The following LSAMP variants were observed in gnomAD, a reference collection of about 807,000 sequenced individuals.
LSAMP encodes limbic system associated membrane protein, also known as limbic system-associated membrane protein.
A neutral mutation model predicts 38.6 loss-of-function variants in LSAMP; 7 were observed. The ratio of observed to expected loss-of-function variants is 0.18; its 90% CI spans 0.10 to 0.34. The LOEUF is 0.34. Ranked by LOEUF, LSAMP falls within the 10% of genes least tolerant of loss-of-function variation. The pLI, the probability that LSAMP is intolerant of heterozygous loss-of-function variation, is 1.00. For synonymous variants in LSAMP, 154 were observed against 166.8 expected (o/e 0.92, Z 0.59); for missense variants, 313 against 420.0 (o/e 0.75, Z 2.23).
rs756155084 is a variant in LSAMP, at chr3:116,209,741, A to ATTAT, written c.156-123189_156-123186dup. ...AACAAATACATTTTGGGATTTATTTATTATTTATTTATTTATTTATTTATT... is the reference window on the plus strand; with the variant it reads ...AACAAATACATTTTGGGATTTATTTATTATTTATTTATTTATTTATTTATTTATT... On this transcript the variant is annotated intron_variant, in intron 1 of 6. Transcript: ENST00000490035. Among the ~76,000 whole-genome samples the ATTAT allele has an allele frequency of 1.4e-3, 215 of 151,508 alleles. 1 individual carries two copies. The highest frequency in any genetic ancestry group is 3.4e-3 in the African/African-American group (140 of 41,318).
At chr3:116,333,128 G>A (rs2047872278) in intron 1 of LSAMP, among the ~76,000 whole-genome samples, 1 of 152,012 alleles carries the variant, frequency 6.6e-6, no homozygotes, top group Non-Finnish European at 1.5e-5. Flanking sequence ...AAACCAACTA[G>A]ATCTACCAGA....
intron 3 of LSAMP, among the ~76,000 whole-genome samples, chr3:115,971,887 G>T (rs1288806511): frequency 6.6e-6 from 1 of 152,070 alleles, no homozygotes; most frequent in Non-Finnish European, 1.5e-5. Context: ...TGATAAAGTA[G>T]ATTCCATTCT....
intron 3 of LSAMP, among the ~76,000 whole-genome samples, chr3:115,944,236 G>A (rs532460619): frequency 5.3e-5 from 8 of 152,132 alleles, no homozygotes; most frequent in Non-Finnish European, 1.0e-4. Context: ...ATGAAGGTCT[G>A]AAAGTGAGGT....
chr3:116,219,025 A>G (rs962668474), intron 1 of LSAMP, among the ~76,000 whole-genome samples: 6 of 152,242 alleles, frequency 3.9e-5, no homozygotes, highest in Admixed American at 1.3e-4. Context: ...TACTATAAGT[A>G]CCATATCATA....
At chr3:116,053,543 T>C (rs1209567479) in intron 2 of LSAMP, among the ~76,000 whole-genome samples, 1 of 152,172 alleles carries the variant, frequency 6.6e-6, no homozygotes, top group Non-Finnish European at 1.5e-5. Flanking sequence ...GTAAGTTGAA[T>C]GAAAATGTAT....
chr3:116,212,764 A>G (rs2046174521), intron 1 of LSAMP, among the ~76,000 whole-genome samples: 1 of 152,162 alleles, frequency 6.6e-6, no homozygotes, highest in Admixed American at 6.5e-5. Flanking sequence ...TGAGAGTATA[A>G]TAACATAGGG....
chr3:116,242,000 G>T (rs2046542384), intron 1 of LSAMP, among the ~76,000 whole-genome samples: 1 of 98,744 alleles, frequency 1.0e-5, no homozygotes, highest in Non-Finnish European at 2.5e-5. Flanking sequence ...TAAAAGTGAG[G>T]CTTTCTTTTT....
chr3:116,304,755 A>G (rs1020425711), intron 1 of LSAMP, among the ~76,000 whole-genome samples: 1 of 152,156 alleles, frequency 6.6e-6, no homozygotes, highest in Non-Finnish European at 1.5e-5. Context: ...GCTGATGTGC[A>G]CTTAAACTAA....
chr3:116,339,008 G>A (rs139732524), intron 1 of LSAMP, among the ~76,000 whole-genome samples: 2 of 152,088 alleles, frequency 1.3e-5, no homozygotes, highest in Non-Finnish European at 2.9e-5. Flanking sequence ...CATCCATTCC[G>A]GATGAGATGA....
chr3:116,369,914 C>G (rs144974642), intron 1 of LSAMP: 3 of 152,666 alleles, frequency 2.0e-5, no homozygotes, highest in African/African-American at 7.2e-5. Flanking sequence ...TGCGAGCCAA[C>G]AAGAGAGGCC....
intron 1 of LSAMP, among the ~76,000 whole-genome samples, chr3:116,164,670 A>C (rs1709994741): frequency 7.5e-6 from 1 of 132,934 alleles, no homozygotes; most frequent in Admixed American, 7.9e-5. Flanking sequence ...ATATAATCCA[A>C]ATATATATAT....
Position 116,445,211 on chromosome 3 carries a change from G to T in LSAMP, c.-180C>A. On this transcript the variant is annotated 5_prime_UTR_variant, in exon 1 of 7. Coordinates refer to ENST00000490035, the MANE Select transcript of LSAMP (RefSeq NM_002338.5). ...CTCGCTCAGTCTCTTTTCCCTCTAAGACTTAACAAAGCCCTCATAAAACCC... is the reference window on the plus strand; with the variant it reads ...CTCGCTCAGTCTCTTTTCCCTCTAATACTTAACAAAGCCCTCATAAAACCC... 1 of 616,738 alleles carries T rather than the reference G, an allele frequency of 1.6e-6. No individual in the cohort carries two copies. The highest frequency in any genetic ancestry group is 2.8e-6 in the Non-Finnish European group (1 of 352,288). 38.2% of individuals were successfully genotyped at this position (616,738 alleles called of 1,614,324 possible).
At chr3:115,908,035 G>A (rs1280024531) in intron 3 of LSAMP, among the ~76,000 whole-genome samples, 4 of 152,122 alleles carry the variant, frequency 2.6e-5, no homozygotes, top group Non-Finnish European at 4.4e-5. Flanking sequence ...GGGGAGATTT[G>A]AGCCCAATGT....
At chr3:116,011,486 T>G (rs892132702) in intron 3 of LSAMP, among the ~76,000 whole-genome samples, 1 of 152,078 alleles carries the variant, frequency 6.6e-6, no homozygotes, top group African/African-American at 2.4e-5. Flanking sequence ...AGGGATAGGA[T>G]GATCACTTGA....
chr3:116,425,635 G>A (rs1292894808), intron 1 of LSAMP, among the ~76,000 whole-genome samples: 4 of 152,138 alleles, frequency 2.6e-5, no homozygotes, highest in Non-Finnish European at 4.4e-5. Flanking sequence ...ATCTCTAACC[G>A]TCTATGACTT....
intron 3 of LSAMP, among the ~76,000 whole-genome samples, chr3:115,905,996 A>T (rs1214777817): frequency 6.6e-6 from 1 of 152,172 alleles, no homozygotes; most frequent in Non-Finnish European, 1.5e-5. Flanking sequence ...GAAACAGCAA[A>T]CATGACTTTT....
intron 1 of LSAMP, among the ~76,000 whole-genome samples, chr3:116,149,883 T>C (rs1318610073): frequency 6.6e-6 from 1 of 152,040 alleles, no homozygotes; most frequent in African/African-American, 2.4e-5. Context: ...TGAACACCCC[T>C]TGTATATCCT....
At chr3:116,394,977 C>T (rs181329337) in intron 1 of LSAMP, among the ~76,000 whole-genome samples, 73 of 152,232 alleles carry the variant, frequency 4.8e-4, no homozygotes, top group African/African-American at 1.7e-3. Flanking sequence ...AGCTGTGCAC[C>T]AGCTTCCTAC....
chr3:116,384,166 A>G (rs2048596255), intron 1 of LSAMP, among the ~76,000 whole-genome samples: 1 of 152,080 alleles, frequency 6.6e-6, no homozygotes, highest in African/African-American at 2.4e-5. Flanking sequence ...ATGACATGTT[A>G]AGCAATTTAG....
Sources: gnomAD v4.1 joint callset for allele counts (sites outside exome capture counted in the v4.1 genomes callset) on GRCh38, gnomAD v4.1.1 for gene constraint, MANE v1.5 for transcripts, NCBI Gene and HGNC (gene_info 2026-07-23, HGNC 2026-07-21) for gene names.